The following GALNTL6 variants were observed in gnomAD, a reference collection of about 807,000 sequenced individuals.
The protein encoded by GALNTL6 is polypeptide N-acetylgalactosaminyltransferase-like 6.
GALNTL6 carries 46 observed loss-of-function variants against 73.7 expected under a neutral mutation model. The ratio of observed to expected loss-of-function variants is 0.62; its 90% CI spans 0.49 to 0.80. The LOEUF (loss-of-function observed/expected upper bound fraction) is 0.80. Among genes scored for constraint, GALNTL6 ranks in the 30% least tolerant of loss-of-function variants. The probability of loss-of-function intolerance (pLI) is 0.00; values close to 1 mark genes in which losing one functional copy is unlikely to be tolerated. For missense variants in GALNTL6, 604 were observed against 755.0 expected, an observed-to-expected ratio of 0.80 and a Z score of 2.34; for synonymous variants, 259 against 263.7, an observed-to-expected ratio of 0.98 and a Z score of 0.17.
At chr4:171,887,023 T>C (rs1031384153) in intron 2 of GALNTL6, among the ~76,000 whole-genome samples, 2 of 152,178 alleles carry the variant, frequency 1.3e-5, no homozygotes, top group African/African-American at 2.4e-5. Context: ...GACTAGGTAA[T>C]TCATAATGAA....
intron 5 of GALNTL6, among the ~76,000 whole-genome samples, chr4:172,704,895 AT>A (rs1465934610): frequency 6.6e-6 from 1 of 151,850 alleles, no homozygotes; most frequent in Non-Finnish European, 1.5e-5. Context: ...ATTTATTATT[AT>A]ATCTTCTTGC....
chr4:173,026,437 C>T (rs1345652824), intron 12 of GALNTL6, among the ~76,000 whole-genome samples: 1 of 152,160 alleles, frequency 6.6e-6, no homozygotes, highest in African/African-American at 2.4e-5. Flanking sequence ...ACAGACAGAA[C>T]CATTCTTAAG....
At chr4:171,848,301 A>G (rs1578907413) in intron 2 of GALNTL6, among the ~76,000 whole-genome samples, 1 of 152,298 alleles carries the variant, frequency 6.6e-6, no homozygotes, top group Admixed American at 6.5e-5. Flanking sequence ...ATGTTCTGTC[A>G]TCCAGGCTTT....
chr4:172,500,430 C>T (rs923481347), intron 5 of GALNTL6, among the ~76,000 whole-genome samples: 2 of 152,004 alleles, frequency 1.3e-5, no homozygotes, highest in Admixed American at 1.3e-4. Flanking sequence ...CAGAGCAAAA[C>T]AAAACCTCTG....
At chr4:171,983,513 G>A (rs769727474) in intron 2 of GALNTL6, among the ~76,000 whole-genome samples, 7 of 141,106 alleles carry the variant, frequency 5.0e-5, no homozygotes, top group East Asian at 2.1e-4. Flanking sequence ...TATTTGAGAC[G>A]GGGTCTCTCA....
At chr4:172,610,632 T>C (rs1738490345) in intron 5 of GALNTL6, among the ~76,000 whole-genome samples, 2 of 152,024 alleles carry the variant, frequency 1.3e-5, no homozygotes, top group Admixed American at 6.6e-5. Flanking sequence ...TTAGATTATG[T>C]ATATGCAGGT....
chr4:172,943,457 A>G (rs999312899), intron 9 of GALNTL6, among the ~76,000 whole-genome samples: 1 of 152,228 alleles, frequency 6.6e-6, no homozygotes, highest in Non-Finnish European at 1.5e-5. Flanking sequence ...GTGAAGGATA[A>G]AAAATGTTTT....
intron 5 of GALNTL6, among the ~76,000 whole-genome samples, chr4:172,690,999 T>C (rs1436803836): frequency 1.3e-5 from 2 of 152,176 alleles, no homozygotes; most frequent in Admixed American, 6.5e-5. Flanking sequence ...TGGCTTGCAA[T>C]ACAAAACTAG....
chr4:172,825,516 C>T (rs547475235), intron 7 of GALNTL6, among the ~76,000 whole-genome samples: 1 of 152,246 alleles, frequency 6.6e-6, no homozygotes, highest in African/African-American at 2.4e-5. Flanking sequence ...CCAGACTCTG[C>T]CCAGATCCTG....
At chr4:172,904,104 C>T (rs989975554) in intron 8 of GALNTL6, among the ~76,000 whole-genome samples, 5 of 152,090 alleles carry the variant, frequency 3.3e-5, no homozygotes, top group African/African-American at 1.2e-4. Context: ...TCAGTTTAAA[C>T]AATATTTAAT....
intron 5 of GALNTL6, among the ~76,000 whole-genome samples, chr4:172,584,504 A>G (rs1005238103): frequency 5.9e-5 from 9 of 152,238 alleles, no homozygotes; most frequent in African/African-American, 2.2e-4. Context: ...CAAGGACAAG[A>G]GAATAGAGAC....
At chr4:171,817,991 G>A (rs1291961747) in intron 2 of GALNTL6, among the ~76,000 whole-genome samples, 1 of 150,390 alleles carries the variant, frequency 6.6e-6, no homozygotes, top group Non-Finnish European at 1.5e-5. Context: ...TTTGTTATTG[G>A]GATGATATAA....
At position 172,718,645 on chromosome 4, in the gene GALNTL6, CAA is replaced by C. The variant is rs898724311; in HGVS notation, c.554-90707_554-90706del. 8.5e-4 allele frequency among the ~76,000 whole-genome samples: 124 copies of C among 146,544 alleles called. 1 individual carries two copies. Among genetic ancestry groups the C allele is most frequent in the African/African-American group, 2.9e-3 (118 of 40,050 alleles). On this transcript the variant is annotated intron_variant, in intron 5 of 12. Coordinates refer to ENST00000506823, the MANE Select transcript of GALNTL6 (RefSeq NM_001034845.3). ...AGGGCAAGACCCCATCTCAAAAAAA[CAA>C]AAAAAAAATCATCTGTAAATATGGA...
At chr4:172,964,479 T>A (rs60299978) in intron 10 of GALNTL6, among the ~76,000 whole-genome samples, 7,224 of 152,260 alleles carry the variant, frequency 0.047, 257 homozygotes, top group African/African-American at 0.091. Flanking sequence ...GCAAACTTTT[T>A]AAAAAATCTT....
At chr4:172,703,642 A>T (rs1287611902) in intron 5 of GALNTL6, among the ~76,000 whole-genome samples, 1 of 151,834 alleles carries the variant, frequency 6.6e-6, no homozygotes, top group Non-Finnish European at 1.5e-5. Flanking sequence ...GGGATATTGG[A>T]ATGTACTTTC....
intron 5 of GALNTL6, among the ~76,000 whole-genome samples, chr4:172,678,876 C>T (rs1156308895): frequency 6.6e-6 from 1 of 152,160 alleles, no homozygotes; most frequent in Non-Finnish European, 1.5e-5. Flanking sequence ...ATTTCATGGT[C>T]TAAAGTAGAG....
intron 12 of GALNTL6, among the ~76,000 whole-genome samples, chr4:173,027,951 A>C (rs1421715078): frequency 6.6e-6 from 1 of 152,238 alleles, no homozygotes; most frequent in Non-Finnish European, 1.5e-5. Flanking sequence ...AGCACAAAAT[A>C]GGAATAAATC....
chr4:172,364,272 A>T (rs1277719042), intron 5 of GALNTL6, among the ~76,000 whole-genome samples: 1 of 152,114 alleles, frequency 6.6e-6, no homozygotes, highest in African/African-American at 2.4e-5. Flanking sequence ...AAAATTAAAA[A>T]GTTAGTCCAT....
intron 5 of GALNTL6, among the ~76,000 whole-genome samples, chr4:172,473,726 A>G (rs993517559): frequency 1.3e-5 from 2 of 152,132 alleles, no homozygotes; most frequent in Admixed American, 6.5e-5. Flanking sequence ...GAAAAGCCTC[A>G]GGACTTAAAT....
Sources: gnomAD v4.1 joint callset for allele counts (sites outside exome capture counted in the v4.1 genomes callset) on GRCh38, gnomAD v4.1.1 for gene constraint, MANE v1.5 for transcripts, NCBI Gene and HGNC (gene_info 2026-07-23, HGNC 2026-07-21) for gene names.